Variants in EML6 observed in about 807,000 individuals in gnomAD.
The protein encoded by EML6 is echinoderm microtubule-associated protein-like 6.
In EML6, 154 loss-of-function variants were observed where a neutral mutation model predicts 240.1. That is an observed-to-expected ratio of 0.64 (90% confidence interval 0.56 to 0.73). EML6 has a LOEUF of 0.73. Ranked by LOEUF, EML6 falls within the 30% of genes least tolerant of loss-of-function variation. The pLI is 0.00. For synonymous variants in EML6, 1,148 were observed against 899.0 expected, an observed-to-expected ratio of 1.28 and a Z score of -4.95; for missense variants, 2,964 against 2,474.6, an observed-to-expected ratio of 1.20 and a Z score of -4.20.
At chr2:54,923,797 A>G (rs917091145) in intron 26 of EML6, among the ~76,000 whole-genome samples, 2 of 151,844 alleles carry the variant, frequency 1.3e-5, no homozygotes, top group Non-Finnish European at 2.9e-5. Context: ...GCCAGTCCCC[A>G]TGCCCCCTCC....
Position 54,959,216 on chromosome 2 carries a change from C to G in EML6, c.4808C>G (p.Thr1603Arg). 6.4e-7 allele frequency: 1 copy of G among 1,551,446 alleles called. No homozygotes were observed. The change falls in exon 34 of 42, where the codon ACA becomes AGA. Residue 1603 changes from threonine (T) to arginine (R), a missense_variant. Coordinates refer to ENST00000356458, the MANE Select transcript of EML6 (RefSeq NM_001039753.4). ...ACAGGCCCCGTGTTCACAATGTACA[C>G]AACCCTTCGGGATGGACTCATAGTG... is the stretch of plus-strand genomic sequence containing the variant. ...AHTGPVFTMY[T>R]TLRDGLIVTG...
At chr2:54,824,272 G>T (rs1668482118) in intron 5 of EML6, among the ~76,000 whole-genome samples, 1 of 152,094 alleles carries the variant, frequency 6.6e-6, no homozygotes. Flanking sequence ...TACTTATCCT[G>T]TTTAAATTTA....
intron 25 of EML6, 139 bp from the exon 26 acceptor site, chr2:54,916,620 A>T: frequency 3.6e-6 from 2 of 549,012 alleles, no homozygotes. Context: ...TATGCAACTT[A>T]GAATTTGTGT....
chr2:54,786,555 A>G (rs572626050), intron 2 of EML6, among the ~76,000 whole-genome samples: 63 of 152,142 alleles, frequency 4.1e-4, no homozygotes, highest in Non-Finnish European at 8.1e-4. Context: ...AATCTCCTGT[A>G]CCCTTTCAGG....
intron 2 of EML6, among the ~76,000 whole-genome samples, chr2:54,767,289 G>A (rs1668222064): frequency 2.0e-5 from 3 of 152,012 alleles, no homozygotes; most frequent in Admixed American, 1.3e-4. Flanking sequence ...TACAGCCAGG[G>A]AAAAAATGCC....
intron 2 of EML6, among the ~76,000 whole-genome samples, chr2:54,739,232 T>G (rs1683528889): frequency 6.6e-6 from 1 of 152,228 alleles, no homozygotes; most frequent in Admixed American, 6.5e-5. Context: ...TTTTAGTAGT[T>G]CTTATAATTA....
chr2:54,925,572 G>A (rs973264354), intron 26 of EML6, among the ~76,000 whole-genome samples: 10 of 151,962 alleles, frequency 6.6e-5, no homozygotes, highest in South Asian at 4.2e-4. Flanking sequence ...CATCTCTTCC[G>A]GGCATTTTTC....
intron 24 of EML6, among the ~76,000 whole-genome samples, chr2:54,908,966 C>A (rs553898276): frequency 1.3e-5 from 2 of 152,292 alleles, no homozygotes; most frequent in African/African-American, 2.4e-5. Context: ...ACAGCACTTA[C>A]GGTACTTGTC....
intron 2 of EML6, among the ~76,000 whole-genome samples, chr2:54,794,492 G>A (rs914957545): frequency 2.6e-5 from 4 of 152,100 alleles, no homozygotes; most frequent in Admixed American, 6.5e-5. Flanking sequence ...GGGACAGGAC[G>A]GGGAAGGGTC....
chr2:54,776,851 G>A (rs1431210853), intron 2 of EML6, among the ~76,000 whole-genome samples: 1 of 152,122 alleles, frequency 6.6e-6, no homozygotes, highest in Non-Finnish European at 1.5e-5. Context: ...GGACCCTGGT[G>A]AGGGACTGAC....
chr2:54,874,859 A>G (rs1671424480), intron 16 of EML6, among the ~76,000 whole-genome samples: 1 of 152,158 alleles, frequency 6.6e-6, no homozygotes, highest in African/African-American at 2.4e-5. Flanking sequence ...GAGAATGGAC[A>G]TCCTGAAGTT....
chr2:54,892,512 G>T lies in EML6; in HGVS notation c.2598G>T (p.Met866Ile). The T allele has an allele frequency of 6.4e-7, 1 of 1,551,424 alleles. No individual in the cohort carries two copies. Among genetic ancestry groups the T allele is most frequent in the East Asian group, 2.4e-5 (1 of 40,908 alleles). ...TFGSVGKLETMMCVSYGRMED... is the reference protein window; with the variant it reads ...TFGSVGKLETIMCVSYGRMED... ...GAAGCGTTGGAAAATTGGAAACAAT[G>T]ATGTGTGTTTCTTACGGACGAATGG... The change falls in exon 19 of 42, where the codon ATG becomes ATT. Residue 866 changes from methionine (M) to isoleucine (I), a missense_variant. Physicochemically the swap from Met to Ile is conservative, Grantham distance 10. Transcript: ENST00000356458.
intron 2 of EML6, among the ~76,000 whole-genome samples, chr2:54,736,735 T>C (rs1683412848): frequency 6.6e-6 from 1 of 152,166 alleles, no homozygotes; most frequent in African/African-American, 2.4e-5. Flanking sequence ...TTCCTCATCA[T>C]TGTGGTCCCC....
intron 28 of EML6, among the ~76,000 whole-genome samples, chr2:54,946,513 A>G (rs960440859): frequency 1.3e-5 from 2 of 152,230 alleles, no homozygotes; most frequent in African/African-American, 4.8e-5. Flanking sequence ...ATTTAGATCC[A>G]CGGAAAACTG....
chr2:54,898,126 C>T (rs1329606719), intron 21 of EML6, among the ~76,000 whole-genome samples: 1 of 152,000 alleles, frequency 6.6e-6, no homozygotes, highest in Non-Finnish European at 1.5e-5. Flanking sequence ...AGTCAGCTCG[C>T]AGTTGTACAG....
At position 54,910,935 on chromosome 2, in the gene EML6, C is replaced by T. The variant is rs752974778; in HGVS notation, c.3410-19C>T. On this transcript the variant is annotated intron_variant, in intron 24 of 41. Transcript: ENST00000356458. ...AAGTCAGATTTTAATTATCTCTCTA[C>T]TTCGTTCTGTCGTAACAGGAAAATT... 2 of 1,376,028 alleles carry T rather than the reference C, an allele frequency of 1.5e-6. No homozygotes were observed. The highest frequency in any genetic ancestry group is 2.0e-5 in the Admixed American group (1 of 49,884). 85.2% of individuals were successfully genotyped at this position (1,376,028 alleles called of 1,614,324 possible). A position where few individuals can be genotyped will look rare whatever the true frequency, so the allele number is the denominator to read the frequency against.
chr2:54,788,893 T>G (rs1021215010), intron 2 of EML6, among the ~76,000 whole-genome samples: 1 of 152,230 alleles, frequency 6.6e-6, no homozygotes, highest in Non-Finnish European at 1.5e-5. Context: ...TTCTGACTGG[T>G]TGGAGTTCCA....
At chr2:54,888,769 G>A (rs1308364229) in intron 17 of EML6, among the ~76,000 whole-genome samples, 1 of 152,160 alleles carries the variant, frequency 6.6e-6, no homozygotes, top group Non-Finnish European at 1.5e-5. Context: ...TTCACCTGCT[G>A]AAGGACATCT....
rs967225707 is a variant in EML6 at position 54,943,719 on chromosome 2, G to T, written c.4005-5163G>T. Among the ~76,000 whole-genome samples, 3 of 152,050 alleles carry T rather than the reference G, an allele frequency of 2.0e-5. No individual in the cohort carries two copies. In the East Asian group the frequency reaches 5.8e-4, roughly 29 times the overall value. On this transcript the variant is annotated intron_variant, in intron 28 of 41. Transcript: ENST00000356458. Reference sequence around the variant, plus strand: ...GCCACGTGTATAAATTTTCTAGCAGGCACATTAAAAAAGTTGAGATGGTGA... The same window carrying T: ...GCCACGTGTATAAATTTTCTAGCAGTCACATTAAAAAAGTTGAGATGGTGA...
Sources: gnomAD v4.1 joint callset for allele counts (sites outside exome capture counted in the v4.1 genomes callset) on GRCh38, gnomAD v4.1.1 for gene constraint, MANE v1.5 for transcripts, NCBI Gene and HGNC (gene_info 2026-07-23, HGNC 2026-07-21) for gene names.